The following CLASP1 variants were observed in gnomAD, a reference collection of about 807,000 sequenced individuals.
CLASP1 encodes the protein CLIP-associating protein 1.
Under a neutral mutation model 192.3 loss-of-function variants are expected in CLASP1, and 38 were observed. The observed-to-expected ratio is 0.20, with a 90% CI of 0.15 to 0.26. The LOEUF (loss-of-function observed/expected upper bound fraction) is 0.26. Among genes scored for constraint, CLASP1 ranks in the 10% least tolerant of loss-of-function variants. The pLI is 1.00. For missense variants in CLASP1, 1,433 were observed against 1,932.5 expected, an observed-to-expected ratio of 0.74 and a Z score of 4.85; for synonymous variants, 691 against 712.8, an observed-to-expected ratio of 0.97 and a Z score of 0.49.
intron 1 of CLASP1, among the ~76,000 whole-genome samples, chr2:121,626,513 G>A (rs2068397164): frequency 6.6e-6 from 1 of 152,148 alleles, no homozygotes; most frequent in African/African-American, 2.4e-5. Context: ...CAGACAAGAA[G>A]AGATTCAGAA....
At chr2:121,465,072 G>A (rs1330739960) in intron 9 of CLASP1, among the ~76,000 whole-genome samples, 1 of 152,146 alleles carries the variant, frequency 6.6e-6, no homozygotes, top group East Asian at 1.9e-4. Flanking sequence ...CATGCTGAAT[G>A]GGCAAAAACT....
exon 35 of CLASP1, chr2:121,367,665 G>A: frequency 1.2e-6 from 2 of 1,614,050 alleles, no homozygotes; most frequent in Non-Finnish European, 1.7e-6. Context: ...GATGGCATCT[G>A]AGTAGGGGTA....
At chr2:121,355,012 A>T (rs1041855201) in intron 37 of CLASP1, among the ~76,000 whole-genome samples, 12 of 152,132 alleles carry the variant, frequency 7.9e-5, no homozygotes, top group Non-Finnish European at 1.5e-4. Context: ...AAAGTGAATT[A>T]TCCTACAGAG....
intron 30 of CLASP1, among the ~76,000 whole-genome samples, chr2:121,390,536 T>C (rs1473729559): frequency 6.6e-6 from 1 of 152,220 alleles, no homozygotes; most frequent in African/African-American, 2.4e-5. Context: ...ATCTCACTGC[T>C]ACCATTTGAA....
intron 2 of CLASP1, among the ~76,000 whole-genome samples, chr2:121,582,349 G>A (rs913911666): frequency 4.7e-5 from 7 of 148,222 alleles, no homozygotes; most frequent in Non-Finnish European, 1.0e-4. Context: ...AAGAGGAGGA[G>A]AGAGAGAGAG....
intron 8 of CLASP1, among the ~76,000 whole-genome samples, chr2:121,475,560 C>A (rs1313903687): frequency 6.6e-6 from 1 of 152,180 alleles, no homozygotes; most frequent in East Asian, 1.9e-4. Flanking sequence ...TAAATTAACC[C>A]ATACTGAACT....
chr2:121,518,512 A>G (rs771828706), intron 6 of CLASP1, among the ~76,000 whole-genome samples: 31 of 152,200 alleles, frequency 2.0e-4, no homozygotes, highest in Non-Finnish European at 3.5e-4. Context: ...GAGCTGACAA[A>G]CACAGATTAT....
In CLASP1 at chr2:121,409,139, C is replaced by T. The variant is rs535978622; in HGVS notation, c.2425-1424G>A. The T allele has an allele frequency of 3.8e-5, 40 of 1,065,728 alleles. No individual in the cohort carries two copies. The Admixed American group carries it at 9.9e-4, about 26-fold the overall frequency. The allele number at this position is 1,065,728 out of a possible 1,614,324, so 66.0% of individuals were successfully genotyped here. A position where few individuals can be genotyped will look rare whatever the true frequency, so the allele number is the denominator to read the frequency against. On this transcript the variant is annotated intron_variant, in intron 24 of 39. Coordinates refer to ENST00000263710, the Ensembl canonical transcript of CLASP1. The stretch of plus-strand genomic sequence containing the variant: ...GGATTGTTCTTGCAACAAAAGTGTA[C>T]AGCAAAACATATCTTAGCAAACCAA...
chr2:121,478,742 C>CCA (rs1559366384), intron 8 of CLASP1, among the ~76,000 whole-genome samples: 3 of 45,138 alleles, frequency 6.6e-5, no homozygotes, highest in East Asian at 7.1e-4. Context: ...CACACACACC[C>CCA]CACACACACC....
exon 34 of CLASP1, chr2:121,377,548 T>C: frequency 1.2e-6 from 2 of 1,602,772 alleles, no homozygotes; most frequent in Non-Finnish European, 1.7e-6. Context: ...ATTCAGATCT[T>C]CTTGGCTTCG....
intron 30 of CLASP1, among the ~76,000 whole-genome samples, chr2:121,394,150 A>G (rs956780103): frequency 6.6e-6 from 1 of 152,200 alleles, no homozygotes; most frequent in Non-Finnish European, 1.5e-5. Flanking sequence ...TTGTGAATAT[A>G]ATGGATATCA....
intron 34 of CLASP1, among the ~76,000 whole-genome samples, chr2:121,370,997 A>G (rs899706541): frequency 1.3e-5 from 2 of 152,176 alleles, no homozygotes; most frequent in Admixed American, 6.5e-5. Context: ...ACGGAAAAGC[A>G]CTCATGCCCT....
chr2:121,616,622 C>A (rs576427353), intron 1 of CLASP1, among the ~76,000 whole-genome samples: 1 of 152,310 alleles, frequency 6.6e-6, no homozygotes, highest in East Asian at 1.9e-4. Context: ...CAGCATATTT[C>A]TATCAATAAG....
At chr2:121,624,910 C>G (rs1004839369) in intron 1 of CLASP1, among the ~76,000 whole-genome samples, 3 of 152,132 alleles carry the variant, frequency 2.0e-5, no homozygotes, top group Non-Finnish European at 4.4e-5. Context: ...CTGTGGCTTT[C>G]TCTTTGAATC....
chr2:121,492,654 G>A (rs2150160337), intron 8 of CLASP1, among the ~76,000 whole-genome samples: 1 of 146,906 alleles, frequency 6.8e-6, no homozygotes, highest in African/African-American at 2.6e-5. Context: ...AATTACTAGG[G>A]TGACTACAAT....
intron 2 of CLASP1, among the ~76,000 whole-genome samples, chr2:121,592,786 G>C (rs903031908): frequency 2.6e-5 from 4 of 152,084 alleles, no homozygotes; most frequent in African/African-American, 4.8e-5. Context: ...CCGTGTAGCT[G>C]GGACTATAGG....
chr2:121,521,435 G>A (rs1473286341), intron 6 of CLASP1, among the ~76,000 whole-genome samples: 4 of 152,154 alleles, frequency 2.6e-5, no homozygotes, highest in African/African-American at 9.7e-5. Context: ...TGCCTGTGCT[G>A]AGAGCTCTAG....
intron 37 of CLASP1, among the ~76,000 whole-genome samples, chr2:121,354,965 T>A (rs1483382848): frequency 1.3e-5 from 2 of 152,000 alleles, no homozygotes; most frequent in Admixed American, 1.3e-4. Flanking sequence ...TTTCCTTCTC[T>A]CCTCCCCATC....
chr2:121,485,534 TTG>T (rs139253037), intron 8 of CLASP1, among the ~76,000 whole-genome samples: 1 of 152,128 alleles, frequency 6.6e-6, no homozygotes, highest in Non-Finnish European at 1.5e-5. Context: ...GGCCTTCCAA[TTG>T]TGTGTGTGTG....
Sources: allele counts gnomAD v4.1 joint callset (sites outside exome capture counted in the v4.1 genomes callset), GRCh38; gene constraint gnomAD v4.1.1; transcripts MANE v1.5; gene names NCBI Gene and HGNC (gene_info 2026-07-23, HGNC 2026-07-21).